PAX7: variants seen among roughly 807,000 people sequenced by gnomAD.
The protein encoded by PAX7 is paired box 7.
Under a neutral mutation model 50.7 loss-of-function variants are expected in PAX7, and 18 were observed. The observed-to-expected ratio is 0.36, with a 90% CI of 0.25 to 0.53. PAX7 has a LOEUF of 0.53. PAX7 is among the 20% of genes least tolerant of loss of function. The pLI is 0.93. For synonymous variants in PAX7, 310 were observed against 290.4 expected, an observed-to-expected ratio of 1.07 and a Z score of -0.69; for missense variants, 644 against 702.9, an observed-to-expected ratio of 0.92 and a Z score of 0.95.
intron 7 of PAX7, among the ~76,000 whole-genome samples, chr1:18,733,238 C>A (rs990580886): frequency 1.3e-5 from 2 of 152,114 alleles, no homozygotes; most frequent in African/African-American, 2.4e-5. Context: ...GTGTCAGACA[C>A]CCTCACATAC....
At position 18,703,129 on chromosome 1, in the gene PAX7, C is replaced by T; in HGVS notation, c.988C>T (p.Pro330Ser). 6.2e-7 allele frequency: 1 copy of T among 1,614,012 alleles called. No homozygotes were observed. The change falls in exon 7 of 9, where the codon CCA (proline) becomes TCA (serine). Residue 330 changes from proline (P) to serine (S), a missense_variant. By Grantham distance (74) the Pro-to-Ser change is moderately conservative. Coordinates refer to ENST00000420770, the MANE Select transcript of PAX7 (RefSeq NM_001135254.2). ...GSTVHRPQPL[P>S]PSTMHQGGLA... is the part of the protein sequence containing the mutation. ...CACTGTGCACCGGCCTCAGCCCCTG[C>T]CACCGTCCACCATGCACCAGGGCGG... is the stretch of plus-strand genomic sequence containing the variant.
intron 7 of PAX7, among the ~76,000 whole-genome samples, chr1:18,706,917 A>G (rs1207760350): frequency 1.3e-5 from 2 of 152,090 alleles, no homozygotes; most frequent in African/African-American, 2.4e-5. Context: ...CGTGGGGAAG[A>G]CATGCCTCCT....
chr1:18,724,630 C>G (rs1227468860), intron 7 of PAX7, among the ~76,000 whole-genome samples: 1 of 151,500 alleles, frequency 6.6e-6, no homozygotes, highest in Admixed American at 6.6e-5. Flanking sequence ...AGCAAGGCCC[C>G]TGGGTGGATG....
intron 5 of PAX7, among the ~76,000 whole-genome samples, chr1:18,698,272 T>TACACACACACAC (rs71018097): frequency 1.4e-3 from 207 of 147,424 alleles, no homozygotes; most frequent in African/African-American, 4.5e-3. Context: ...ATTGTTAAAA[T>TACACACACACAC]ACACACACAC....
In PAX7 at chr1:18,700,775, C is replaced by A; in HGVS notation, c.909C>A (p.Tyr303Ter). The change falls in exon 6 of 9, where the codon TAC (tyrosine) becomes TAA (stop). Residue 303 changes from tyrosine to a stop codon, truncating the protein, a stop_gained. Transcript: ENST00000420770. LOFTEE classifies it high-confidence loss of function. The surrounding 1 kb of genome is among the most constrained non-coding windows in gnomAD (Gnocchi z 4.8). ...CCGGCATGCCCACGCTGCCCCCCTA[C>A]CAGCTGCCGGACTCCACCTACCCCA... ...PPTGMPTLPP[Y>*]QLPDSTYPTT... The A allele has an allele frequency of 6.3e-7, 1 of 1,584,138 alleles. No homozygotes were observed.
At position 18,632,394 on chromosome 1, in the gene PAX7, G is replaced by A. The variant is rs566998169; in HGVS notation, c.85+706G>A. On this transcript the variant is annotated intron_variant, in intron 1 of 8. Coordinates refer to ENST00000420770, the MANE Select transcript of PAX7 (RefSeq NM_001135254.2). The surrounding 1 kb of genome is among the most constrained non-coding windows in gnomAD (Gnocchi z 6.3). ...AATGTCCAAACGAGAAGAAAGAGCTGATTTTGTAAAGCGTCCTTCCTAAAC... is the reference window on the plus strand; with the variant it reads ...AATGTCCAAACGAGAAGAAAGAGCTAATTTTGTAAAGCGTCCTTCCTAAAC... Among the ~76,000 whole-genome samples the A allele has an allele frequency of 5.3e-4, 81 of 152,262 alleles. No homozygotes were observed. Among genetic ancestry groups the A allele is most frequent in the African/African-American group, 1.8e-3 (75 of 41,550 alleles).
chr1:18,635,015 C>T, intron 2 of PAX7, 96 bp from the exon 3 acceptor site: 1 of 1,458,088 alleles, frequency 6.9e-7, no homozygotes, highest in Admixed American at 1.9e-5. Flanking sequence ...CCAGAACCAC[C>T]AGCCTGGTCT....
chr1:18,719,405 G>T (rs2089467043), intron 7 of PAX7, among the ~76,000 whole-genome samples: 1 of 152,240 alleles, frequency 6.6e-6, no homozygotes, highest in African/African-American at 2.4e-5. Flanking sequence ...GAGGGCTGGG[G>T]CTTTGGGGAA....
At chr1:18,685,690 A>ACAGG (rs2100280225) in intron 4 of PAX7, among the ~76,000 whole-genome samples, 1 of 152,346 alleles carries the variant, frequency 6.6e-6, no homozygotes, top group East Asian at 1.9e-4. Flanking sequence ...GAGTGGCTGG[A>ACAGG]CAGGGAACTG....
Position 18,726,182 on chromosome 1 carries a change from T to A in PAX7, c.1156-9450T>A, listed in dbSNP as rs2089569682. On this transcript the variant is annotated intron_variant, in intron 7 of 8. Transcript: ENST00000420770. The surrounding 1 kb of genome is among the most constrained non-coding windows in gnomAD (Gnocchi z 4.8). ...TGTGTGTGTGTGTGTGTGTGTGTCTTTGACTTCTTGGACAATGAGTGGAAA... is the reference window on the plus strand; with the variant it reads ...TGTGTGTGTGTGTGTGTGTGTGTCTATGACTTCTTGGACAATGAGTGGAAA... Among the ~76,000 whole-genome samples the A allele has an allele frequency of 7.0e-6, 1 of 142,098 alleles. No homozygotes were observed. The highest frequency in any genetic ancestry group is 7.2e-5 in the Admixed American group (1 of 13,906). The allele number at this position is 142,098 out of a possible 152,430, so 93.2% of individuals were successfully genotyped here. A position where few individuals can be genotyped will look rare whatever the true frequency, so the allele number is the denominator to read the frequency against.
Position 18,700,323 on chromosome 1 carries a change from G to A in PAX7, c.787-330G>A, listed in dbSNP as rs929741855. Among the ~76,000 whole-genome samples, 2 of 152,020 alleles carry A rather than the reference G, an allele frequency of 1.3e-5. No homozygotes were observed. The highest frequency in any genetic ancestry group is 2.4e-5 in the African/African-American group (1 of 41,332). ...CAGGAAGGAGCAGCTGCAGAGGAAA[G>A]AGCACTGGCCTGAGAGCCACACAGG... On this transcript the variant is annotated intron_variant, in intron 5 of 8. Coordinates refer to ENST00000420770, the MANE Select transcript of PAX7 (RefSeq NM_001135254.2). This position sits in a 1 kb window ranked among gnomAD's most constrained non-coding sequence, Gnocchi z 4.8.
chr1:18,748,328 C>G lies in PAX7; in HGVS notation c.*3399C>G. 1 of 228,840 alleles carries G rather than the reference C, an allele frequency of 4.4e-6. No individual in the cohort carries two copies. Among genetic ancestry groups the G allele is most frequent in the Non-Finnish European group, 8.7e-6 (1 of 115,310 alleles). 14.2% of individuals were successfully genotyped at this position (228,840 alleles called of 1,614,324 possible). ...CATCACCCAACTAAAAAGATGTTCT[C>G]TGGGACCTCTCTCAGGCTGATGTTC... is the stretch of plus-strand genomic sequence containing the variant. On this transcript the variant is annotated 3_prime_UTR_variant, in exon 9 of 9. Coordinates refer to ENST00000420770, the MANE Select transcript of PAX7 (RefSeq NM_001135254.2).
chr1:18,706,261 C>T (rs1317428562), intron 7 of PAX7, among the ~76,000 whole-genome samples: 1 of 152,114 alleles, frequency 6.6e-6, no homozygotes, highest in Non-Finnish European at 1.5e-5. Flanking sequence ...AGATCTGCCT[C>T]CTGCATCCTC....
intron 8 of PAX7, chr1:18,736,191 G>A (rs552178865): frequency 1.0e-4 from 61 of 588,708 alleles, no homozygotes; most frequent in African/African-American, 8.9e-4. Context: ...CAGGCCAGGC[G>A]TGGTGGCTCA....
chr1:18,685,055 T>C (rs1449583449), intron 4 of PAX7, among the ~76,000 whole-genome samples: 3 of 152,150 alleles, frequency 2.0e-5, no homozygotes, highest in South Asian at 2.1e-4. Context: ...AGAAGCCACG[T>C]TGGTTTTCAG....
intron 4 of PAX7, among the ~76,000 whole-genome samples, chr1:18,644,631 C>G (rs534173485): frequency 6.6e-6 from 1 of 152,128 alleles, no homozygotes; most frequent in African/African-American, 2.4e-5. Context: ...CTCCAGGGAG[C>G]TTCTGATTCC....
intron 4 of PAX7, among the ~76,000 whole-genome samples, chr1:18,673,300 C>A (rs16862125): frequency 0.11 from 17,144 of 152,252 alleles, 1,151 homozygotes; most frequent in East Asian, 0.27. Context: ...GTCATAGACA[C>A]CCGTTACCAC....
At chr1:18,631,830 C>T (rs1348925384) in intron 1 of PAX7, 142 bp downstream of exon 1, 3 of 713,124 alleles carry the variant, frequency 4.2e-6, no homozygotes, top group South Asian at 3.5e-5. Context: ...AGTCCGGGCG[C>T]GGAACCCAGG....
chr1:18,700,646 C>T lies in PAX7; in HGVS notation c.787-7C>T, dbSNP rs1161900319. 4.6e-6 allele frequency: 7 copies of T among 1,524,854 alleles called. No homozygotes were observed. Among genetic ancestry groups the T allele is most frequent in the African/African-American group, 2.8e-5 (2 of 70,972 alleles). 94.5% of individuals were successfully genotyped at this position (1,524,854 alleles called of 1,614,324 possible). ...GGGGTCTCCATTCTCTGCTCTCCAC[C>T]TCCCAGGTCTGGTTCAGTAACCGCC... On this transcript the variant is annotated splice_polypyrimidine_tract_variant and splice_region_variant and intron_variant, in intron 5 of 8. Coordinates refer to ENST00000420770, the MANE Select transcript of PAX7 (RefSeq NM_001135254.2). The surrounding 1 kb of genome is among the most constrained non-coding windows in gnomAD (Gnocchi z 4.8).
Sources: allele counts gnomAD v4.1 joint callset (sites outside exome capture counted in the v4.1 genomes callset), GRCh38; gene constraint gnomAD v4.1.1; non-coding constraint Gnocchi (gnomAD v3.1); transcripts MANE v1.5; gene names NCBI Gene and HGNC (gene_info 2026-07-23, HGNC 2026-07-21).